The following ZNF624 variants were observed in gnomAD, a reference collection of about 807,000 sequenced individuals.
The protein encoded by ZNF624 is zinc finger protein 624.
In ZNF624, 43 loss-of-function variants were observed where a neutral mutation model predicts 74.7. The ratio of observed to expected loss-of-function variants is 0.58; its 90% CI spans 0.45 to 0.74. ZNF624 has a LOEUF of 0.74. Ranked by LOEUF, ZNF624 falls within the 30% of genes least tolerant of loss-of-function variation. The pLI is 0.00. For missense variants in ZNF624, 820 were observed against 1,030.0 expected (o/e 0.80, Z 2.79); for synonymous variants, 331 against 341.3 (o/e 0.97, Z 0.33).
rs576939330 is a variant in ZNF624 at position 16,621,339 on chromosome 17, C to T, written c.*949G>A. 1.3e-5 allele frequency: 2 copies of T among 152,254 alleles called. No homozygotes were observed. Among genetic ancestry groups the T allele is most frequent in the Non-Finnish European group, 2.9e-5 (2 of 68,032 alleles). 9.4% of individuals were successfully genotyped at this position (152,254 alleles called of 1,614,324 possible). A position where few individuals can be genotyped will look rare whatever the true frequency, so the allele number is the denominator to read the frequency against. On this transcript the variant is annotated 3_prime_UTR_variant, in exon 6 of 6. Transcript: ENST00000311331. ...GCAGTTGGGGCTTTGCCCCCCTCTA[C>T]AAACAGTACTTCAACAAACATGTTT...
chr17:16,626,259 G>T (rs1292955918), intron 5 of ZNF624, among the ~76,000 whole-genome samples: 1 of 151,970 alleles, frequency 6.6e-6, no homozygotes, highest in Non-Finnish European at 1.5e-5. Context: ...CCAATTTTAT[G>T]ATTTTAAAAC....
Position 16,623,022 on chromosome 17 carries a change from T to C in ZNF624, c.1864A>G (p.Thr622Ala). 1 of 1,613,968 alleles carries C rather than the reference T, an allele frequency of 6.2e-7. No homozygotes were observed. The highest frequency in any genetic ancestry group is 8.5e-7 in the Non-Finnish European group (1 of 1,179,944). ...YKCTDCERAF[T>A]KMVNLKEHQK... is the part of the protein sequence containing the mutation. ...TGCTCCTTGAGATTTACCATTTTGG[T>C]GAATGCCCTCTCGCAGTCAGTACAT... Residue 622 changes from threonine to alanine, a missense_variant, in exon 6 of 6, where the codon ACC becomes GCC. Physicochemically the swap from Thr to Ala is moderately conservative, Grantham distance 58. Transcript: ENST00000311331. The surrounding 1 kb of genome is among the most constrained non-coding windows in gnomAD (Gnocchi z 5.3).
chr17:16,649,778 T>C, intron 1 of ZNF624, 32 bp from the exon 2 acceptor site: 1 of 1,573,588 alleles, frequency 6.4e-7, no homozygotes, highest in Non-Finnish European at 8.7e-7. Context: ...TGGAAACCAA[T>C]CCTGCCTGGG....
At chr17:16,631,739 C>G (rs1336987122) in intron 5 of ZNF624, 2 of 151,918 alleles carry the variant, frequency 1.3e-5, no homozygotes, top group Non-Finnish European at 2.9e-5. Flanking sequence ...AAAAAAGAGT[C>G]AAGTAAGATT....
intron 3 of ZNF624, among the ~76,000 whole-genome samples, chr17:16,638,290 G>A (rs1273391690): frequency 6.6e-6 from 1 of 152,162 alleles, no homozygotes; most frequent in East Asian, 1.9e-4. Context: ...TTCAACCATT[G>A]TGGAAGTCAG....
chr17:16,615,970 T>C (rs1424130803), downstream of ZNF624, among the ~76,000 whole-genome samples: 5 of 66,430 alleles, frequency 7.5e-5, no homozygotes, highest in East Asian at 7.1e-4. Context: ...TATATATATA[T>C]ATATATATAT....
chr17:16,633,352 T>C (rs998504757), intron 5 of ZNF624, among the ~76,000 whole-genome samples: 2 of 152,218 alleles, frequency 1.3e-5, no homozygotes, highest in African/African-American at 4.8e-5. Context: ...GCTTCCTTGT[T>C]TGTATTAGCA....
chr17:16,620,892 C>A lies in ZNF624; in HGVS notation c.*1396G>T, dbSNP rs1908892720. 6.6e-6 allele frequency: 1 copy of A among 152,148 alleles called. No homozygotes were observed. The highest frequency in any genetic ancestry group is 2.4e-5 in the African/African-American group (1 of 41,430). 9.4% of individuals were successfully genotyped at this position (152,148 alleles called of 1,614,324 possible). ...TTGGAGACCATCCTTTCATCTCTCT[C>A]AAAAGTTCACATAATTACATAATAT... is the stretch of plus-strand genomic sequence containing the variant. On this transcript the variant is annotated 3_prime_UTR_variant, in exon 6 of 6. Coordinates refer to ENST00000311331, the MANE Select transcript of ZNF624 (RefSeq NM_020787.4).
intron 1 of ZNF624, among the ~76,000 whole-genome samples, chr17:16,650,137 T>C (rs778140898): frequency 6.6e-6 from 1 of 152,128 alleles, no homozygotes; most frequent in African/African-American, 2.4e-5. Flanking sequence ...TGAATCAACA[T>C]GCTGTGTGAA....
chr17:16,625,823 T>G (rs1312604673), intron 5 of ZNF624, among the ~76,000 whole-genome samples: 1 of 152,220 alleles, frequency 6.6e-6, no homozygotes, highest in Non-Finnish European at 1.5e-5. Flanking sequence ...TGCAATTTAA[T>G]ATTTTATTTT....
At chr17:16,626,054 ATTC>A (rs1909064302) in intron 5 of ZNF624, among the ~76,000 whole-genome samples, 1 of 151,918 alleles carries the variant, frequency 6.6e-6, no homozygotes, top group Admixed American at 6.6e-5. Context: ...GGTTCAAGTG[ATTC>A]TTGTGCTTCA....
At chr17:16,645,600 C>T (rs1909569844) in intron 3 of ZNF624, among the ~76,000 whole-genome samples, 1 of 147,660 alleles carries the variant, frequency 6.8e-6, no homozygotes, top group South Asian at 2.1e-4. Flanking sequence ...AGACATTTAG[C>T]ACTGAAATTT....
chr17:16,634,581 C>T (rs775589507), intron 4 of ZNF624, 49 bp downstream of exon 4: 1 of 1,574,122 alleles, frequency 6.4e-7, no homozygotes, highest in Non-Finnish European at 8.6e-7. Flanking sequence ...CTTTGGCAAA[C>T]CTGGTCAAAT....
At chr17:16,617,197 C>G (rs1441477540), downstream of ZNF624, 8 of 1,612,610 alleles carry the variant, frequency 5.0e-6, no homozygotes, top group Non-Finnish European at 6.8e-6. Flanking sequence ...ACCTTTGCTC[C>G]GCGACCTGGA....
intron 1 of ZNF624, among the ~76,000 whole-genome samples, chr17:16,650,457 G>A (rs1223603418): frequency 1.4e-5 from 2 of 147,218 alleles, no homozygotes; most frequent in Non-Finnish European, 3.0e-5. Flanking sequence ...ATGAAATTCA[G>A]TGCACAAAGC....
At chr17:16,614,968 A>G in the ZNF624 span, among the ~76,000 whole-genome samples, 2 of 152,236 alleles carry the variant, frequency 1.3e-5, no homozygotes, top group African/African-American at 4.8e-5. Flanking sequence ...CAAATACTGT[A>G]TGATTCTACT....
At chr17:16,627,129 CTA>C (rs1405873334) in intron 5 of ZNF624, among the ~76,000 whole-genome samples, 1 of 150,414 alleles carries the variant, frequency 6.6e-6, no homozygotes, top group East Asian at 2.0e-4. Flanking sequence ...AATTCAGAAA[CTA>C]ATATTAAATT....
At chr17:16,636,134 TA>T (rs1909325094) in intron 3 of ZNF624, among the ~76,000 whole-genome samples, 1 of 152,190 alleles carries the variant, frequency 6.6e-6, no homozygotes, top group Admixed American at 6.5e-5. Flanking sequence ...TGAGCATCAA[TA>T]AGGATAATAA....
At chr17:16,629,691 C>T (rs1384580022) in intron 5 of ZNF624, among the ~76,000 whole-genome samples, 3 of 151,990 alleles carry the variant, frequency 2.0e-5, no homozygotes, top group African/African-American at 7.3e-5. Flanking sequence ...CTCTGCCTTC[C>T]GAGTAGCTGG....
Sources: allele counts gnomAD v4.1 joint callset (sites outside exome capture counted in the v4.1 genomes callset), GRCh38; gene constraint gnomAD v4.1.1; non-coding constraint Gnocchi (gnomAD v3.1); transcripts MANE v1.5; gene names NCBI Gene and HGNC (gene_info 2026-07-23, HGNC 2026-07-21).